Variants in PCDHGA8 observed in about 807,000 individuals in gnomAD.
PCDHGA8 encodes protocadherin gamma-A8.
In PCDHGA8, 45 loss-of-function variants were observed where a neutral mutation model predicts 59.2. The ratio of observed to expected loss-of-function variants is 0.76; its 90% CI spans 0.60 to 0.98. PCDHGA8 has a LOEUF of 0.98. Ranked by LOEUF, PCDHGA8 falls within the 50% of genes least tolerant of loss-of-function variation. The pLI is 0.00. For synonymous variants in PCDHGA8, 531 were observed against 519.0 expected, an observed-to-expected ratio of 1.02 and a Z score of -0.32; for missense variants, 1,257 against 1,196.2, an observed-to-expected ratio of 1.05 and a Z score of -0.75.
chr5:141,421,073 G>A (rs2096544393), intron 1 of PCDHGA8: 4 of 613,858 alleles, frequency 6.5e-6, no homozygotes, highest in Non-Finnish European at 1.1e-5. Flanking sequence ...GGAATGAGAT[G>A]GATACTCACA....
intron 1 of PCDHGA8, chr5:141,409,769 G>C (rs1413636372): frequency 1.2e-6 from 2 of 1,612,776 alleles, no homozygotes; most frequent in Non-Finnish European, 1.7e-6. Context: ...CTTTGATCAC[G>C]AGCAGCTGCG....
rs553104661 is a variant in PCDHGA8 at position 141,460,009 on chromosome 5, C to T, written c.2425-34798C>T. ...AGGAGAATCGCTTGAACCCAGGAGG[C>T]GGAGGTTGCAGTGAGCCGAGACTGC... On this transcript the variant is annotated intron_variant, in intron 1 of 3. Coordinates refer to ENST00000398604, the MANE Select transcript of PCDHGA8 (RefSeq NM_032088.2). 9.9e-4 allele frequency among the ~76,000 whole-genome samples: 150 copies of T among 152,212 alleles called. 1 individual carries two copies. The highest frequency in any genetic ancestry group is 3.4e-3 in the Middle Eastern group (1 of 294).
chr5:141,498,673 T>C (rs1158071657), intron 2 of PCDHGA8, among the ~76,000 whole-genome samples: 1 of 152,180 alleles, frequency 6.6e-6, no homozygotes, highest in Non-Finnish European at 1.5e-5. Flanking sequence ...GGCTCACGCC[T>C]GTAATCCCAG....
chr5:141,506,025 A>T (rs2099850088), intron 3 of PCDHGA8, among the ~76,000 whole-genome samples: 1 of 152,150 alleles, frequency 6.6e-6, no homozygotes, highest in African/African-American at 2.4e-5. Context: ...CCCTAACTCC[A>T]GAGTAGGATT....
At chr5:141,430,652 A>G in intron 1 of PCDHGA8, 1 of 1,069,464 alleles carries the variant, frequency 9.4e-7, no homozygotes. Context: ...ATGTGGAAAC[A>G]ACGGAGGAGC....
chr5:141,473,784 G>A (rs1457988232), intron 1 of PCDHGA8, among the ~76,000 whole-genome samples: 1 of 152,226 alleles, frequency 6.6e-6, no homozygotes, highest in Non-Finnish European at 1.5e-5. Flanking sequence ...TTTAATTCAA[G>A]AGCAGTATGA....
At chr5:141,474,361 T>C (rs2099347915) in intron 1 of PCDHGA8, among the ~76,000 whole-genome samples, 2 of 152,210 alleles carry the variant, frequency 1.3e-5, no homozygotes, top group South Asian at 2.1e-4. Context: ...CATGTCTCAG[T>C]AGGTCTAGAG....
chr5:141,506,228 A>T (rs538354130), intron 3 of PCDHGA8, among the ~76,000 whole-genome samples: 1 of 152,266 alleles, frequency 6.6e-6, no homozygotes, highest in East Asian at 1.9e-4. Context: ...AGGCAGGAGG[A>T]TCATGAGGTC....
chr5:141,446,778 T>C (rs2098515519), intron 1 of PCDHGA8, among the ~76,000 whole-genome samples: 1 of 152,116 alleles, frequency 6.6e-6, no homozygotes, highest in South Asian at 2.1e-4. Flanking sequence ...GTTACCATTC[T>C]TTTACTCTGA....
chr5:141,485,641 G>T lies in PCDHGA8; in HGVS notation c.2425-9166G>T. The T allele has an allele frequency of 6.2e-7, 1 of 1,612,012 alleles. No individual in the cohort carries two copies. Among genetic ancestry groups the T allele is most frequent in the Non-Finnish European group, 8.5e-7 (1 of 1,178,470 alleles). On this transcript the variant is annotated intron_variant, in intron 1 of 3. Transcript: ENST00000398604. The surrounding 1 kb of genome is among the most constrained non-coding windows in gnomAD (Gnocchi z 5.7). Reference sequence around the variant, plus strand: ...CAGGACAGCGTTTCCCGTTGGAAAAGGCTCAGGATGCAGATGTGGGGAGCA... The same window carrying T: ...CAGGACAGCGTTTCCCGTTGGAAAATGCTCAGGATGCAGATGTGGGGAGCA...
intron 1 of PCDHGA8, among the ~76,000 whole-genome samples, chr5:141,448,146 C>G (rs1375402473): frequency 6.6e-6 from 1 of 151,942 alleles, no homozygotes; most frequent in Non-Finnish European, 1.5e-5. Flanking sequence ...ATACCTCAGA[C>G]TCACCCCTGA....
chr5:141,412,154 A>G (rs528810323), intron 1 of PCDHGA8: 1 of 152,344 alleles, frequency 6.6e-6, no homozygotes, highest in Admixed American at 6.5e-5. Flanking sequence ...ACTGCCTAAG[A>G]GAAGAGATTA....
intron 1 of PCDHGA8, among the ~76,000 whole-genome samples, chr5:141,472,648 C>G (rs762736307): frequency 1.3e-5 from 2 of 151,864 alleles, no homozygotes; most frequent in African/African-American, 4.8e-5. Flanking sequence ...TGTGTTGAAT[C>G]AGTATATAAA....
At chr5:141,404,841 G>C (rs765291212) in intron 1 of PCDHGA8, 4 of 1,613,886 alleles carry the variant, frequency 2.5e-6, no homozygotes, top group African/African-American at 1.3e-5. Context: ...CGCACAGCTC[G>C]GGCCCTGCTA....
At chr5:141,437,104 T>C (rs539232057) in intron 1 of PCDHGA8, among the ~76,000 whole-genome samples, 1 of 152,338 alleles carries the variant, frequency 6.6e-6, no homozygotes, top group African/African-American at 2.4e-5. Flanking sequence ...GGCTTAGCTT[T>C]AGGATTTTTA....
intron 1 of PCDHGA8, chr5:141,430,853 C>A: frequency 6.3e-7 from 1 of 1,587,214 alleles, no homozygotes; most frequent in Non-Finnish European, 8.6e-7. Flanking sequence ...CACCCAGATA[C>A]GCTATTCAGT....
intron 1 of PCDHGA8, among the ~76,000 whole-genome samples, chr5:141,457,938 G>A (rs915640623): frequency 6.6e-6 from 1 of 152,160 alleles, no homozygotes; most frequent in African/African-American, 2.4e-5. Flanking sequence ...GCTTTTATTG[G>A]CTCTGCATGT....
chr5:141,408,239 C>A, intron 1 of PCDHGA8: 2 of 1,577,720 alleles, frequency 1.3e-6, no homozygotes, highest in South Asian at 2.3e-5. Flanking sequence ...CCGGGCCGGC[C>A]CGCGGCAGGT....
At chr5:141,415,740 G>GTTTTTTTTTTTTTTTGT (rs2095912649) in intron 1 of PCDHGA8, 1 of 515,998 alleles carries the variant, frequency 1.9e-6, no homozygotes, top group Non-Finnish European at 2.6e-6. Flanking sequence ...GTTTATTAAG[G>GTTTTTTTTTTTTTTTGT]TTTTTTTTTT....
Sources: allele counts gnomAD v4.1 joint callset (sites outside exome capture counted in the v4.1 genomes callset), GRCh38; gene constraint gnomAD v4.1.1; non-coding constraint Gnocchi (gnomAD v3.1); transcripts MANE v1.5; gene names NCBI Gene and HGNC (gene_info 2026-07-23, HGNC 2026-07-21).